Variants in TADA2A observed in about 807,000 individuals in gnomAD.
TADA2A encodes the protein transcriptional adapter 2-alpha.
Under a neutral mutation model 67.4 loss-of-function variants are expected in TADA2A, and 38 were observed. That is an observed-to-expected ratio of 0.56 (90% CI 0.44 to 0.74). The LOEUF (loss-of-function observed/expected upper bound fraction) is 0.74, where lower values mean the gene tolerates loss of function less well. Ranked by LOEUF, TADA2A falls within the 30% of genes least tolerant of loss-of-function variation. The pLI, the probability that TADA2A is intolerant of heterozygous loss-of-function variation, is 0.00. For missense variants in TADA2A, 454 were observed against 547.0 expected (o/e 0.83, Z 1.70); for synonymous variants, 192 against 181.6 (o/e 1.06, Z -0.46).
chr17:37,407,625 T>A (rs2051636200), intron 1 of TADA2A: 1 of 152,010 alleles, frequency 6.6e-6, no homozygotes, highest in Non-Finnish European at 1.5e-5. Flanking sequence ...ATATTGTGCT[T>A]TTTTGCCTTT....
chr17:37,445,219 A>C (rs1176585008), intron 8 of TADA2A, among the ~76,000 whole-genome samples: 1 of 152,110 alleles, frequency 6.6e-6, no homozygotes, highest in Non-Finnish European at 1.5e-5. Flanking sequence ...CCAAATGGGG[A>C]ATTTCTTGTT....
At position 37,423,626 on chromosome 17, in the gene TADA2A, A is replaced by G; in HGVS notation, c.132+11A>G. ...TTCCTCTGCTTGCAGGTAACTCACT[A>G]ATGCTGGCTTCTCCTAGCCTAGTTT... On this transcript the variant is annotated intron_variant, in intron 3 of 15. Coordinates refer to ENST00000615182, the MANE Select transcript of TADA2A (RefSeq NM_001166105.3). 1 of 1,593,212 alleles carries G rather than the reference A, an allele frequency of 6.3e-7. No homozygotes were observed. The highest frequency in any genetic ancestry group is 8.6e-7 in the Non-Finnish European group (1 of 1,167,464).
rs940797797 is a variant in TADA2A at position 37,429,117 on chromosome 17, G to A, written c.192+2108G>A. On this transcript the variant is annotated intron_variant, in intron 4 of 15. Coordinates refer to ENST00000615182, the MANE Select transcript of TADA2A (RefSeq NM_001166105.3). ...AGGGGCCTTTCTATGTTATTCAGGC[G>A]TCTAGGGGTCTTTCTGTGTTATTCA... Among the ~76,000 whole-genome samples, 10 of 151,448 alleles carry A rather than the reference G, an allele frequency of 6.6e-5. No individual in the cohort carries two copies. The South Asian group carries it at 1.5e-3, about 22-fold the overall frequency.
At position 37,411,255 on chromosome 17, in the gene TADA2A, T is replaced by C. The variant is rs941353316; in HGVS notation, c.-97-14T>C. 5 of 962,966 alleles carry C rather than the reference T, an allele frequency of 5.2e-6. No individual in the cohort carries two copies. Among genetic ancestry groups the C allele is most frequent in the Non-Finnish European group, 8.3e-6 (5 of 601,692 alleles). 59.7% of individuals were successfully genotyped at this position (962,966 alleles called of 1,614,324 possible). ...TGATTTTCTGATCCATGTGCCACTTTTGTTTGTTCCTAGGGAGTCATCAAG... is the reference window on the plus strand; with the variant it reads ...TGATTTTCTGATCCATGTGCCACTTCTGTTTGTTCCTAGGGAGTCATCAAG... On this transcript the variant is annotated splice_polypyrimidine_tract_variant and intron_variant, in intron 1 of 15. Transcript: ENST00000615182.
Position 37,470,457 on chromosome 17 carries a change from C to G in TADA2A, c.953C>G (p.Thr318Ser). 2 of 1,612,502 alleles carry G rather than the reference C, an allele frequency of 1.2e-6. No individual in the cohort carries two copies. The highest frequency in any genetic ancestry group is 1.7e-6 in the Non-Finnish European group (2 of 1,179,484). The stretch of plus-strand genomic sequence containing the variant: ...CGGGAGGAAGAGCGCCTTAAACGCA[C>G]TATGCTCTCAGAAGTTCTCCAGTAT... The part of the protein sequence containing the change: ...KTREEERLKR[T>S]MLSEVLQYIQ... Residue 318 changes from threonine (T) to serine (S), a missense_variant, in exon 13 of 16, where the codon ACT becomes AGT. This residue lies in a region of TADA2A where 403 missense variants were observed against 455.5 expected (regional missense o/e 0.88). Coordinates refer to ENST00000615182, the MANE Select transcript of TADA2A (RefSeq NM_001166105.3).
At chr17:37,411,900 T>A (rs1424350330) in intron 2 of TADA2A, among the ~76,000 whole-genome samples, 1 of 151,776 alleles carries the variant, frequency 6.6e-6, no homozygotes, top group Non-Finnish European at 1.5e-5. Context: ...CACAAACATA[T>A]GACCCTGGGT....
intron 2 of TADA2A, among the ~76,000 whole-genome samples, chr17:37,416,908 C>A (rs892809283): frequency 1.3e-5 from 2 of 151,892 alleles, no homozygotes; most frequent in African/African-American, 4.8e-5. Flanking sequence ...CTCTTGTTTC[C>A]TGTTATCTCA....
rs2053942547 is a variant in TADA2A at position 37,479,142 on chromosome 17, TGATA to T, written c.*2163_*2166del. 6.6e-6 allele frequency: 1 copy of T among 152,166 alleles called. No homozygotes were observed. The highest frequency in any genetic ancestry group is 2.4e-5 in the African/African-American group (1 of 41,384). The allele number at this position is 152,166 out of a possible 1,614,324, so 9.4% of individuals were successfully genotyped here. ...GAGGTGGGCTTTTGGGGCAATTATA[TGATA>T]GAGAAGAGAGAGAAAAATGGCAGAT... On this transcript the variant is annotated 3_prime_UTR_variant, in exon 16 of 16. Coordinates refer to ENST00000615182, the MANE Select transcript of TADA2A (RefSeq NM_001166105.3).
rs148553837 is a variant in TADA2A at position 37,418,743 on chromosome 17, C to T, written c.26-4766C>T. Among the ~76,000 whole-genome samples, 1,485 of 152,110 alleles carry T rather than the reference C, an allele frequency of 9.8e-3. 19 individuals are homozygous for T. The highest frequency in any genetic ancestry group is 0.014 in the Non-Finnish European group (959 of 67,990). Reference sequence around the variant, plus strand: ...AGTAGCTGGGATTAGGCGCCCACCACCACATCCAGCTAATTTTTTATTTTT... The same window carrying T: ...AGTAGCTGGGATTAGGCGCCCACCATCACATCCAGCTAATTTTTTATTTTT... On this transcript the variant is annotated intron_variant, in intron 2 of 15. Transcript: ENST00000615182.
chr17:37,458,441 G>A, intron 8 of TADA2A, 83 bp from the exon 9 acceptor site: 1 of 993,468 alleles, frequency 1.0e-6, no homozygotes, highest in Non-Finnish European at 1.3e-6. Context: ...TTGGGTAAAA[G>A]ATTTATTTTT....
At chr17:37,466,823 A>T (rs1173657695) in intron 11 of TADA2A, among the ~76,000 whole-genome samples, 3 of 152,186 alleles carry the variant, frequency 2.0e-5, no homozygotes, top group Admixed American at 2.0e-4. Flanking sequence ...TAGAACTTTT[A>T]ATAGAAGATA....
chr17:37,430,771 GT>G (rs2052545268), intron 4 of TADA2A, among the ~76,000 whole-genome samples: 1 of 152,120 alleles, frequency 6.6e-6, no homozygotes, highest in Admixed American at 6.6e-5. Context: ...GATGTAGAAA[GT>G]TTTTATTGTT....
chr17:37,473,081 T>G (rs1186673834), intron 14 of TADA2A, among the ~76,000 whole-genome samples: 2 of 149,734 alleles, frequency 1.3e-5, no homozygotes, highest in Admixed American at 1.3e-4. Flanking sequence ...CCAGTTCAGC[T>G]CCTGAGTGGC....
In TADA2A at chr17:37,423,522, T is replaced by C. The variant is rs745310262; in HGVS notation, c.39T>C (p.Asp13=). The change falls in exon 3 of 16, where the codon GAT becomes GAC. Residue 13 remains aspartate, a synonymous_variant. Coordinates refer to ENST00000615182, the MANE Select transcript of TADA2A (RefSeq NM_001166105.3). ...RLGSFSNDPS[D]KPPCRGCSSY... is the part of the protein sequence containing the mutation. ...TGTTTGTTCTAGATGATCCCTCTGA[T>C]AAGCCACCTTGCCGAGGCTGCTCCT... is the stretch of plus-strand genomic sequence containing the variant. 4.3e-6 allele frequency: 7 copies of C among 1,611,994 alleles called. No homozygotes were observed. The highest frequency in any genetic ancestry group is 5.9e-6 in the Non-Finnish European group (7 of 1,179,480).
intron 8 of TADA2A, among the ~76,000 whole-genome samples, chr17:37,449,764 C>T (rs1306066166): frequency 2.6e-5 from 4 of 152,012 alleles, no homozygotes; most frequent in African/African-American, 4.8e-5. Context: ...GGACTCCAGG[C>T]GTGCACCATC....
intron 5 of TADA2A, among the ~76,000 whole-genome samples, chr17:37,439,575 G>T (rs1198395671): frequency 2.0e-5 from 3 of 152,110 alleles, no homozygotes; most frequent in Admixed American, 2.0e-4. Flanking sequence ...GCCCCACCAT[G>T]CCTGGCCAGA....
In TADA2A at chr17:37,478,130, A is replaced by AAG; in HGVS notation, c.*1148_*1149insAG. 6.6e-6 allele frequency: 1 copy of AAG among 150,622 alleles called. No homozygotes were observed. The highest frequency in any genetic ancestry group is 2.0e-4 in the East Asian group (1 of 5,124). The allele number at this position is 150,622 out of a possible 1,614,324, so 9.3% of individuals were successfully genotyped here. A position where few individuals can be genotyped will look rare whatever the true frequency, so the allele number is the denominator to read the frequency against. On this transcript the variant is annotated 3_prime_UTR_variant, in exon 16 of 16. Transcript: ENST00000615182. ...GAGACTCTGTCTCAAAAAAAAAAAA[A>AAG]CAAAAAAAAACCTTTAATGTCTGGC...
rs928932489 is a variant in TADA2A at position 37,432,221 on chromosome 17, A to G, written c.192+5212A>G. 4.0e-5 allele frequency among the ~76,000 whole-genome samples: 6 copies of G among 151,582 alleles called. 1 individual carries two copies. Among genetic ancestry groups the G allele is most frequent in the Middle Eastern group, 6.8e-3 (2 of 294 alleles). ...GCTCTATTGCCCAGGCTGGAGTGCA[A>G]TTGCACAATCTCGGCTCACTGCAAC... On this transcript the variant is annotated intron_variant, in intron 4 of 15. Coordinates refer to ENST00000615182, the MANE Select transcript of TADA2A (RefSeq NM_001166105.3).
chr17:37,429,045 C>CAAAAAAA (rs375811520), intron 4 of TADA2A, among the ~76,000 whole-genome samples: 1 of 109,596 alleles, frequency 9.1e-6, no homozygotes, highest in Admixed American at 9.7e-5. Context: ...GACTCCGTCT[C>CAAAAAAA]AAAAAAAAAA....
Sources: allele counts gnomAD v4.1 joint callset (sites outside exome capture counted in the v4.1 genomes callset), GRCh38; gene constraint gnomAD v4.1.1; regional missense constraint gnomAD v4.1.1; transcripts MANE v1.5; gene names NCBI Gene and HGNC (gene_info 2026-07-23, HGNC 2026-07-21).